KDM1B: variants seen among roughly 807,000 people sequenced by gnomAD.
KDM1B encodes the protein lysine demethylase 1B.
In KDM1B, 63 loss-of-function variants were observed where a neutral mutation model predicts 107.4. That is an observed-to-expected ratio of 0.59 (90% CI 0.48 to 0.72). KDM1B has a LOEUF of 0.72. KDM1B is among the 30% of genes least tolerant of loss of function. The pLI, the probability that KDM1B is intolerant of heterozygous loss-of-function variation, is 0.00. For synonymous variants in KDM1B, 363 were observed against 363.9 expected, an observed-to-expected ratio of 1.00 and a Z score of 0.03; for missense variants, 749 against 1,020.8, an observed-to-expected ratio of 0.73 and a Z score of 3.63.
intron 20 of KDM1B, 72 bp from the exon 21 acceptor site, chr6:18,217,661 C>A (rs1789354443): frequency 1.5e-6 from 2 of 1,311,192 alleles, no homozygotes; most frequent in South Asian, 1.2e-5. Context: ...GGACTACAGG[C>A]ATGAGTCACT....
In KDM1B at chr6:18,200,980, A is replaced by T. The variant is rs1255474858; in HGVS notation, c.1359+404A>T. On this transcript the variant is annotated intron_variant, in intron 13 of 21. Coordinates refer to ENST00000650836, the MANE Select transcript of KDM1B (RefSeq NM_001364614.2). This position sits in a 1 kb window ranked among gnomAD's most constrained non-coding sequence, Gnocchi z 4.3. The stretch of plus-strand genomic sequence containing the variant: ...TTTGGGACATACTTATACTTAAAAA[A>T]ATTATGTATTACTAATCTGAACATC... 6.6e-6 allele frequency among the ~76,000 whole-genome samples: 1 copy of T among 152,260 alleles called. No individual in the cohort carries two copies. Among genetic ancestry groups the T allele is most frequent in the Non-Finnish European group, 1.5e-5 (1 of 68,040 alleles).
chr6:18,206,967 A>T (rs1490420859), intron 15 of KDM1B, among the ~76,000 whole-genome samples: 1 of 152,036 alleles, frequency 6.6e-6, no homozygotes, highest in African/African-American at 2.4e-5. Flanking sequence ...CCCCTTTGGG[A>T]CCTCTCCATT....
intron 10 of KDM1B, among the ~76,000 whole-genome samples, chr6:18,193,194 T>TAAAAAA (rs541938365): frequency 1.7e-5 from 1 of 60,074 alleles, no homozygotes; most frequent in African/African-American, 5.6e-5. Context: ...AAACTCTGTC[T>TAAAAAA]AAAAAAAAAA....
chr6:18,215,822 T>G (rs977524172), intron 20 of KDM1B, among the ~76,000 whole-genome samples: 22 of 152,040 alleles, frequency 1.4e-4, no homozygotes, highest in Non-Finnish European at 8.8e-5. Context: ...CTAGAAGCTT[T>G]GACTACAGCT....
chr6:18,187,540 G>T (rs1786951946), intron 8 of KDM1B, among the ~76,000 whole-genome samples: 1 of 152,120 alleles, frequency 6.6e-6, no homozygotes, highest in African/African-American at 2.4e-5. Flanking sequence ...TTGGGGGAGG[G>T]ATAAGGGAGG....
intron 21 of KDM1B, among the ~76,000 whole-genome samples, chr6:18,220,805 T>C (rs1789647528): frequency 6.6e-6 from 1 of 151,210 alleles, no homozygotes; most frequent in African/African-American, 2.4e-5. Context: ...GGAGTCTCGC[T>C]GTGTCGCACA....
chr6:18,170,348 G>A (rs1439250474), intron 6 of KDM1B, among the ~76,000 whole-genome samples: 1 of 152,138 alleles, frequency 6.6e-6, no homozygotes, highest in African/African-American at 2.4e-5. Flanking sequence ...ACTAATAACT[G>A]TAGACTTTAT....
At chr6:18,215,437 T>C (rs1025775625) in intron 20 of KDM1B, among the ~76,000 whole-genome samples, 1 of 152,194 alleles carries the variant, frequency 6.6e-6, no homozygotes, top group Non-Finnish European at 1.5e-5. Context: ...GTTTGGCTGG[T>C]AGATGCTGTC....
intron 3 of KDM1B, 102 bp from the exon 4 acceptor site, chr6:18,161,225 C>G: frequency 9.6e-7 from 1 of 1,040,774 alleles, no homozygotes; most frequent in Middle Eastern, 2.1e-4. Context: ...ATGTTTTTGA[C>G]CTTCATGTTT....
rs757689605 is a variant in KDM1B at position 18,188,000 on chromosome 6, A to C, written c.782A>C (p.His261Pro). 9 of 1,550,258 alleles carry C rather than the reference A, an allele frequency of 5.8e-6. No individual in the cohort carries two copies. The highest frequency in any genetic ancestry group is 1.7e-4 in the Middle Eastern group (1 of 5,978). ...CACTCCAAGGCTGCCCTCTCCGTGC[A>C]CGGTGAGAGCCATTCCTGGGACTCC... ...LEHSKAALSVHVPGMNRYFQP... is the reference protein window; with the variant it reads ...LEHSKAALSVPVPGMNRYFQP... The change falls in exon 9 of 22, where the codon CAC (histidine) becomes CCC (proline). Residue 261 changes from histidine to proline, a missense_variant and splice_region_variant. Physicochemically the swap from His to Pro is moderately conservative, Grantham distance 77. Coordinates refer to ENST00000650836, the MANE Select transcript of KDM1B (RefSeq NM_001364614.2).
intron 9 of KDM1B, among the ~76,000 whole-genome samples, chr6:18,189,027 G>A (rs1364264169): frequency 1.3e-4 from 19 of 151,818 alleles, no homozygotes; most frequent in Non-Finnish European, 2.2e-4. Context: ...CAAGTGATCC[G>A]CCCCCTTCAG....
At chr6:18,178,072 A>AATTG (rs772415493) in intron 7 of KDM1B, among the ~76,000 whole-genome samples, 2 of 152,060 alleles carry the variant, frequency 1.3e-5, no homozygotes, top group African/African-American at 2.4e-5. Context: ...TTGTAGATAA[A>AATTG]ATTGATTGAT....
At chr6:18,184,852 C>G (rs949224653) in intron 7 of KDM1B, among the ~76,000 whole-genome samples, 1 of 147,870 alleles carries the variant, frequency 6.8e-6, no homozygotes, top group Non-Finnish European at 1.5e-5. Context: ...CCTCCCACTT[C>G]AGCCTCCCGA....
At position 18,191,332 on chromosome 6, in the gene KDM1B, A is replaced by C; in HGVS notation, c.920A>C (p.Tyr307Ser). ...FPEYSRDPTM[Y>S]LALRNLILAL... is the part of the protein sequence containing the mutation. ...GAGTATTCCCGAGACCCCACCATGT[A>C]CCTGGCTTTGAGAAACCTCATCCTC... The change falls in exon 10 of 22, where the codon TAC becomes TCC. Residue 307 changes from tyrosine (Y) to serine (S), a missense_variant. Tyr to Ser is a moderately radical substitution (Grantham distance 144). Transcript: ENST00000650836. The surrounding 1 kb of genome is among the most constrained non-coding windows in gnomAD (Gnocchi z 5.1). 1.3e-6 allele frequency: 2 copies of C among 1,551,102 alleles called. No individual in the cohort carries two copies. The highest frequency in any genetic ancestry group is 1.7e-6 in the Non-Finnish European group (2 of 1,147,100).
intron 5 of KDM1B, 96 bp from the exon 6 acceptor site, chr6:18,166,171 A>C (rs902342245): frequency 6.8e-5 from 43 of 633,114 alleles, no homozygotes; most frequent in African/African-American, 5.7e-4. Flanking sequence ...TATGTTTGTT[A>C]CGTAAGATTT....
At position 18,204,191 on chromosome 6, in the gene KDM1B, A is replaced by G. The variant is rs1452298415; in HGVS notation, c.1532-1346A>G. 1.3e-5 allele frequency among the ~76,000 whole-genome samples: 2 copies of G among 152,250 alleles called. No homozygotes were observed. The highest frequency in any genetic ancestry group is 2.1e-4 in the South Asian group (1 of 4,820). On this transcript the variant is annotated intron_variant, in intron 14 of 21. Transcript: ENST00000650836. The surrounding 1 kb of genome is among the most constrained non-coding windows in gnomAD (Gnocchi z 4.9). ...ACTCAGTTCTGCTTCTAGTCAGAGA[A>G]GTGTGTGACACTCTGTTAAACTTGG...
intron 10 of KDM1B, among the ~76,000 whole-genome samples, chr6:18,195,561 C>T (rs1561936437): frequency 6.6e-6 from 1 of 151,738 alleles, no homozygotes; most frequent in East Asian, 1.9e-4. Flanking sequence ...TGGTGAAACC[C>T]TGTCTCTACT....
In KDM1B at chr6:18,205,080, G is replaced by A. The variant is rs1398091296; in HGVS notation, c.1532-457G>A. Among the ~76,000 whole-genome samples, 2 of 152,162 alleles carry A rather than the reference G, an allele frequency of 1.3e-5. No homozygotes were observed. Among genetic ancestry groups the A allele is most frequent in the African/African-American group, 4.8e-5 (2 of 41,432 alleles). ...GTTTGGGACAGACTGTAGCCAATAG[G>A]TTACAGGTCTCTTAGTTGAGGTGAG... On this transcript the variant is annotated intron_variant, in intron 14 of 21. Transcript: ENST00000650836. This position sits in a 1 kb window ranked among gnomAD's most constrained non-coding sequence, Gnocchi z 5.7.
At position 18,200,288 on chromosome 6, in the gene KDM1B, A is replaced by G. The variant is rs559553400; in HGVS notation, c.1222-151A>G. The G allele has an allele frequency of 3.0e-4, 234 of 790,842 alleles. 1 individual carries two copies. The highest frequency in any genetic ancestry group is 5.5e-4 in the Admixed American group (19 of 34,706). The allele number at this position is 790,842 out of a possible 1,614,324, so 49.0% of individuals were successfully genotyped here. ...AACATCTATTTTGGCTTCTCTTCACACTGCCTGCTTTTTAAAGTTGTTTTT... is the reference window on the plus strand; with the variant it reads ...AACATCTATTTTGGCTTCTCTTCACGCTGCCTGCTTTTTAAAGTTGTTTTT... On this transcript the variant is annotated intron_variant, in intron 12 of 21. Coordinates refer to ENST00000650836, the MANE Select transcript of KDM1B (RefSeq NM_001364614.2). This position sits in a 1 kb window ranked among gnomAD's most constrained non-coding sequence, Gnocchi z 4.3.
Sources: gnomAD v4.1 joint callset for allele counts (sites outside exome capture counted in the v4.1 genomes callset) on GRCh38, gnomAD v4.1.1 for gene constraint, Gnocchi (gnomAD v3.1) non-coding constraint, MANE v1.5 for transcripts, NCBI Gene and HGNC (gene_info 2026-07-23, HGNC 2026-07-21) for gene names.